The following ITGA2 variants were observed in gnomAD, a reference collection of about 807,000 sequenced individuals.
The protein encoded by ITGA2 is integrin alpha-2.
A neutral mutation model predicts 146.3 loss-of-function variants in ITGA2; 101 were observed. The ratio of observed to expected loss-of-function variants is 0.69; its 90% CI spans 0.59 to 0.81. The LOEUF (loss-of-function observed/expected upper bound fraction) is 0.81, where lower values mean the gene tolerates loss of function less well. Ranked by LOEUF, ITGA2 falls within the 40% of genes least tolerant of loss-of-function variation. The probability of loss-of-function intolerance (pLI) is 0.00; values close to 1 mark genes in which losing one functional copy is unlikely to be tolerated. For missense variants in ITGA2, 1,281 were observed against 1,402.7 expected (o/e 0.91, Z 1.39); for synonymous variants, 477 against 487.1 (o/e 0.98, Z 0.27).
In ITGA2 at chr5:53,060,917, A is replaced by C; in HGVS notation, c.1329A>C (p.Ala443=). Residue 443 remains alanine (A), a synonymous_variant, in exon 12 of 30, where the codon GCA becomes GCC. Transcript: ENST00000296585. ...CCCTTTTAGGTTACTCTGTGGCTGC[A>C]ATTTCTACTGGAGAAAGCACTCACT... is the stretch of plus-strand genomic sequence containing the variant. ...HSSYLGYSVA[A]ISTGESTHFV... is the part of the protein sequence containing the mutation. 1 of 1,612,352 alleles carries C rather than the reference A, an allele frequency of 6.2e-7. No individual in the cohort carries two copies. Among genetic ancestry groups the C allele is most frequent in the Non-Finnish European group, 8.5e-7 (1 of 1,178,880 alleles).
At chr5:52,992,197 C>T (rs1184946560) in intron 1 of ITGA2, among the ~76,000 whole-genome samples, 1 of 152,128 alleles carries the variant, frequency 6.6e-6, no homozygotes, top group Non-Finnish European at 1.5e-5. Flanking sequence ...GTACTTCTGG[C>T]TTCTGTTCTC....
intron 1 of ITGA2, among the ~76,000 whole-genome samples, chr5:53,010,441 C>A (rs1476080685): frequency 6.6e-6 from 1 of 152,106 alleles, no homozygotes; most frequent in Non-Finnish European, 1.5e-5. Flanking sequence ...CCAATTGCTG[C>A]CTTTTGAAAT....
intron 6 of ITGA2, 70 bp from the exon 7 acceptor site, chr5:53,051,341 T>G (rs1474275917): frequency 9.8e-6 from 15 of 1,524,426 alleles, no homozygotes; most frequent in Non-Finnish European, 1.4e-5. Flanking sequence ...TTGATTTTTA[T>G]TTTATTGGTT....
chr5:53,032,449 A>G (rs1390629299), intron 2 of ITGA2, among the ~76,000 whole-genome samples: 1 of 152,112 alleles, frequency 6.6e-6, no homozygotes, highest in Non-Finnish European at 1.5e-5. Context: ...CAAAATTATT[A>G]CCCCCTTTAC....
At chr5:53,067,511 C>G (rs554014251) in intron 16 of ITGA2, among the ~76,000 whole-genome samples, 40 of 151,982 alleles carry the variant, frequency 2.6e-4, no homozygotes, top group African/African-American at 9.4e-4. Flanking sequence ...GGCCCTCCTG[C>G]TTCCATCCTT....
At chr5:53,061,070 G>T in intron 12 of ITGA2, 24 bp downstream of exon 12, 1 of 1,611,372 alleles carries the variant, frequency 6.2e-7, no homozygotes, top group Non-Finnish European at 8.5e-7. Flanking sequence ...TTTAGCAGGT[G>T]AAATTAATTT....
intron 2 of ITGA2, among the ~76,000 whole-genome samples, chr5:53,033,576 T>C (rs1230658818): frequency 6.6e-6 from 1 of 152,048 alleles, no homozygotes; most frequent in Non-Finnish European, 1.5e-5. Context: ...AGTTTGCTTA[T>C]ATCTTATTTA....
At chr5:53,039,558 A>T (rs1418841708) in intron 2 of ITGA2, among the ~76,000 whole-genome samples, 1 of 151,850 alleles carries the variant, frequency 6.6e-6, no homozygotes, top group East Asian at 1.9e-4. Flanking sequence ...AGCCTGGCAA[A>T]CATGGCAAAA....
chr5:53,027,624 A>T (rs1421014916), intron 2 of ITGA2, among the ~76,000 whole-genome samples: 1 of 152,210 alleles, frequency 6.6e-6, no homozygotes, highest in African/African-American at 2.4e-5. Flanking sequence ...GCCAGAGTTC[A>T]TGCCCACTGG....
chr5:53,020,985 G>A lies in ITGA2; in HGVS notation c.65-5763G>A, dbSNP rs541312733. On this transcript the variant is annotated intron_variant, in intron 1 of 29. Transcript: ENST00000296585. The stretch of plus-strand genomic sequence containing the variant: ...GGTGGGATTATAGGCATGAGCCACC[G>A]TGCCGGCCTTTTTATCTTGATTCTT... Among the ~76,000 whole-genome samples the A allele has an allele frequency of 2.6e-4, 39 of 151,862 alleles. No individual in the cohort carries two copies. The South Asian group carries it at 5.2e-3, about 20-fold the overall frequency.
chr5:53,087,597 C>T (rs1295949796), intron 28 of ITGA2, among the ~76,000 whole-genome samples: 5 of 146,376 alleles, frequency 3.4e-5, no homozygotes, highest in South Asian at 2.2e-4. Flanking sequence ...ATCTTACATT[C>T]GGGAGGACTA....
intron 2 of ITGA2, among the ~76,000 whole-genome samples, chr5:53,028,151 A>G (rs1743044124): frequency 6.6e-6 from 1 of 152,020 alleles, no homozygotes; most frequent in Admixed American, 6.6e-5. Context: ...TCCATTTGAT[A>G]CTCTAAACAA....
chr5:53,007,826 G>A (rs375634912), intron 1 of ITGA2, among the ~76,000 whole-genome samples: 131 of 152,242 alleles, frequency 8.6e-4, no homozygotes, highest in African/African-American at 2.7e-3. Context: ...TTGAATTTTT[G>A]AAATGTGAAA....
At chr5:53,083,029 C>T (rs1745999407) in intron 26 of ITGA2, among the ~76,000 whole-genome samples, 2 of 151,490 alleles carry the variant, frequency 1.3e-5, no homozygotes, top group Non-Finnish European at 2.9e-5. Context: ...GGTTTTTTTA[C>T]TCTTAGAAAT....
intron 17 of ITGA2, among the ~76,000 whole-genome samples, chr5:53,071,466 A>G (rs1745392433): frequency 6.6e-6 from 1 of 151,862 alleles, no homozygotes; most frequent in Admixed American, 6.6e-5. Context: ...ACATCTCCTC[A>G]TAGTCCAGAG....
chr5:53,046,194 C>CAAA (rs58926174), intron 4 of ITGA2, among the ~76,000 whole-genome samples: 21 of 99,042 alleles, frequency 2.1e-4, no homozygotes, highest in South Asian at 3.5e-4. Flanking sequence ...GACTCTGTCT[C>CAAA]AAAAAAAAAA....
intron 1 of ITGA2, among the ~76,000 whole-genome samples, chr5:53,003,879 C>T (rs1204645310): frequency 6.6e-6 from 1 of 152,110 alleles, no homozygotes; most frequent in African/African-American, 2.4e-5. Flanking sequence ...CTCCTCAGCT[C>T]AAGCGATCTG....
At chr5:53,008,170 A>G (rs1405479639) in intron 1 of ITGA2, among the ~76,000 whole-genome samples, 1 of 151,824 alleles carries the variant, frequency 6.6e-6, no homozygotes, top group Non-Finnish European at 1.5e-5. Context: ...TTAAAAGTTC[A>G]AGATCAAGGC....
intron 1 of ITGA2, among the ~76,000 whole-genome samples, chr5:53,008,582 T>C (rs1741970632): frequency 6.6e-6 from 1 of 152,090 alleles, no homozygotes; most frequent in Non-Finnish European, 1.5e-5. Flanking sequence ...ATGGACACAC[T>C]GTAAAAAACA....
Sources: gnomAD v4.1 joint callset for allele counts (sites outside exome capture counted in the v4.1 genomes callset) on GRCh38, gnomAD v4.1.1 for gene constraint, MANE v1.5 for transcripts, NCBI Gene and HGNC (gene_info 2026-07-23, HGNC 2026-07-21) for gene names.